The following CEACAM8 variants were observed in gnomAD, a reference collection of about 807,000 sequenced individuals.
CEACAM8 encodes cell adhesion molecule CEACAM8.
In CEACAM8, 31 loss-of-function variants were observed where a neutral mutation model predicts 33.4. That is an observed-to-expected ratio of 0.93 (90% CI 0.70 to 1.25). The LOEUF (loss-of-function observed/expected upper bound fraction) is 1.25. Ranked by LOEUF, CEACAM8 falls within the 50% of genes most tolerant of loss-of-function variation. The pLI is 0.00. For synonymous variants in CEACAM8, 138 were observed against 164.5 expected (o/e 0.84, Z 1.23); for missense variants, 388 against 434.6 (o/e 0.89, Z 0.95).
intron 4 of CEACAM8, 115 bp from the exon 5 acceptor site, chr19:42,583,452 A>G: frequency 1.4e-6 from 1 of 703,326 alleles, no homozygotes; most frequent in Non-Finnish European, 2.5e-6. Context: ...CAAGGAATAC[A>G]TTATTTTTGT....
chr19:42,590,263 G>A (rs1286068225), intron 2 of CEACAM8, among the ~76,000 whole-genome samples: 1 of 152,184 alleles, frequency 6.6e-6, no homozygotes, highest in East Asian at 1.9e-4. Context: ...CCTGGAGGTC[G>A]GTTCCGTCGT....
At chr19:42,591,772 A>G (rs538572715) in intron 2 of CEACAM8, among the ~76,000 whole-genome samples, 6 of 152,338 alleles carry the variant, frequency 3.9e-5, no homozygotes, top group Admixed American at 3.9e-4. Flanking sequence ...CTGCCTGGCC[A>G]TCCAGGATCT....
chr19:42,589,434 A>G (rs776808124), intron 3 of CEACAM8, 23 bp downstream of exon 3: 1 of 1,613,826 alleles, frequency 6.2e-7, no homozygotes, highest in South Asian at 1.1e-5. Context: ...GGCCTGGGCC[A>G]CAGAGGAACA....
intron 4 of CEACAM8, among the ~76,000 whole-genome samples, chr19:42,584,062 T>C (rs967511844): frequency 6.6e-6 from 1 of 152,204 alleles, no homozygotes; most frequent in Non-Finnish European, 1.5e-5. Flanking sequence ...TGCATCTCAG[T>C]GGGTTAAAAA....
chr19:42,591,151 T>C lies in CEACAM8; in HGVS notation c.425-1416A>G, dbSNP rs2042431688. On this transcript the variant is annotated intron_variant, in intron 2 of 5. Coordinates refer to ENST00000244336, the MANE Select transcript of CEACAM8 (RefSeq NM_001816.4). The stretch of plus-strand genomic sequence containing the variant: ...ATTTGTCAGGAGTTTAGATATTATG[T>C]TTTGACTATAGTCAAAAACAAAATT... Among the ~76,000 whole-genome samples, 3 of 152,326 alleles carry C rather than the reference T, an allele frequency of 2.0e-5. No homozygotes were observed. In the South Asian group the frequency reaches 6.2e-4, roughly 32 times the overall value.
At chr19:42,582,448 G>A (rs1166790633) in intron 5 of CEACAM8, among the ~76,000 whole-genome samples, 2 of 152,044 alleles carry the variant, frequency 1.3e-5, no homozygotes, top group Non-Finnish European at 2.9e-5. Context: ...ACATGAATTG[G>A]TCATCAGGAA....
At chr19:42,594,147 G>A (rs2042501754) in intron 1 of CEACAM8, among the ~76,000 whole-genome samples, 1 of 152,142 alleles carries the variant, frequency 6.6e-6, no homozygotes, top group African/African-American at 2.4e-5. Context: ...GCTCACATCA[G>A]GGCATCCTTG....
At chr19:42,581,946 T>TATATATATAA (rs765190705) in intron 5 of CEACAM8, among the ~76,000 whole-genome samples, 35 of 84,068 alleles carry the variant, frequency 4.2e-4, no homozygotes, top group African/African-American at 1.4e-3. Context: ...TATATATATA[T>TATATATATAA]AAAATAAGGT....
chr19:42,587,076 C>CCA (rs1417839988), intron 4 of CEACAM8, among the ~76,000 whole-genome samples: 1 of 151,802 alleles, frequency 6.6e-6, no homozygotes, highest in African/African-American at 2.4e-5. Context: ...TAAAAAAAAA[C>CCA]CACACACACA....
At position 42,593,564 on chromosome 19, in the gene CEACAM8, A is replaced by G. The variant is rs560162763; in HGVS notation, c.401T>C (p.Val134Ala). Reference protein sequence around the residue: ...VIKLNLMSEEVTGQFSVHPET... With the variant: ...VIKLNLMSEEATGQFSVHPET... ...ACGATGTACGCTGAACTGGCCAGTT[A>G]CTTCTTCACTCATAAGATTTAGCTT... The change falls in exon 2 of 6, where the codon GTA becomes GCA. Residue 134 changes from valine (V) to alanine (A), a missense_variant. Val to Ala is a moderately conservative substitution (Grantham distance 64). Coordinates refer to ENST00000244336, the MANE Select transcript of CEACAM8 (RefSeq NM_001816.4). 1 of 1,578,628 alleles carries G rather than the reference A, an allele frequency of 6.3e-7. No individual in the cohort carries two copies. Among genetic ancestry groups the G allele is most frequent in the African/African-American group, 1.3e-5 (1 of 74,322 alleles).
At chr19:42,594,177 C>A (rs1050353176) in intron 1 of CEACAM8, among the ~76,000 whole-genome samples, 6 of 152,196 alleles carry the variant, frequency 3.9e-5, no homozygotes, top group Non-Finnish European at 5.9e-5. Flanking sequence ...TTCTCTGACA[C>A]CTCCTCTAGA....
rs1261431438 is a variant in CEACAM8 at position 42,593,689 on chromosome 19, C to T, written c.276G>A (p.Gly92=). 3.1e-6 allele frequency: 5 copies of T among 1,613,980 alleles called. No homozygotes were observed. The African/African-American group carries it at 6.7e-5, about 22-fold the overall frequency. ...TTGTCTCTCGATTGCTGTATGCAGG[C>T]CCTGGGGTAATCTGTTGATTTGATA... ...YVISNQQITP[G]PAYSNRETIY... Residue 92 remains glycine, a synonymous_variant, in exon 2 of 6, where the codon GGG becomes GGA. Transcript: ENST00000244336.
intron 1 of CEACAM8, among the ~76,000 whole-genome samples, 180 bp downstream of exon 1, chr19:42,594,585 C>T (rs575147668): frequency 6.6e-6 from 1 of 152,270 alleles, no homozygotes; most frequent in South Asian, 2.1e-4. Flanking sequence ...CTGCCTCTTA[C>T]CAATTCCAGT....
intron 4 of CEACAM8, among the ~76,000 whole-genome samples, chr19:42,584,905 A>C (rs2042309699): frequency 6.6e-6 from 1 of 152,240 alleles, no homozygotes; most frequent in African/African-American, 2.4e-5. Flanking sequence ...AATGAAACCA[A>C]AAGTTGGTTC....
chr19:42,588,859 C>A lies in CEACAM8; in HGVS notation c.883G>T (p.Gly295Ter), dbSNP rs147588657. 6 of 1,613,962 alleles carry A rather than the reference C, an allele frequency of 3.7e-6. No homozygotes were observed. In the Admixed American group the frequency reaches 8.3e-5, roughly 22 times the overall value. The change falls in exon 4 of 6, where the codon GGA (glycine) becomes TGA (stop). Residue 295 changes from glycine to a stop codon, truncating the protein, a stop_gained. Transcript: ENST00000244336. LOFTEE classifies it high-confidence loss of function. The stretch of plus-strand genomic sequence containing the variant: ...TTAGTGGTGTGGCAGGCATAGGATC[C>A]GCTGTTCTTTGTAGTGATGTTGGGG... ...FIPNITTKNS[G>*]SYACHTTNSA...
chr19:42,591,432 A>G (rs57648151), intron 2 of CEACAM8, among the ~76,000 whole-genome samples: 16 of 152,308 alleles, frequency 1.1e-4, no homozygotes, highest in Admixed American at 8.5e-4. Context: ...AGGTGTGTCA[A>G]TTCCATAAAG....
rs1190507515 is a variant in CEACAM8 at position 42,593,593 on chromosome 19, G to C, written c.372C>G (p.Val124=). The C allele has an allele frequency of 6.2e-7, 1 of 1,603,888 alleles. No individual in the cohort carries two copies. The highest frequency in any genetic ancestry group is 1.1e-5 in the South Asian group (1 of 89,630). The change falls in exon 2 of 6, where the codon GTC becomes GTG. Residue 124 remains valine, a synonymous_variant. Transcript: ENST00000244336. ...RNDTGSYTLQ[V]IKLNLMSEEV... ...CTTCACTCATAAGATTTAGCTTTAT[G>C]ACTTGTAGGGTGTAGGATCCTGTGT...
In CEACAM8 at chr19:42,589,451, A is replaced by C. The variant is rs577367194; in HGVS notation, c.703+6T>G. ...CCTGGGCCACAGAGGAACAGAAGAT[A>C]CTCACAGAGGACATTCAGGGTGACT... On this transcript the variant is annotated splice_donor_region_variant and intron_variant, in intron 3 of 5. Transcript: ENST00000244336. The C allele has an allele frequency of 7.8e-5, 126 of 1,613,996 alleles. 2 individuals are homozygous for C. In the South Asian group the frequency reaches 1.3e-3, roughly 17 times the overall value.
intron 4 of CEACAM8, among the ~76,000 whole-genome samples, chr19:42,587,632 T>C (rs1284512884): frequency 1.3e-5 from 2 of 152,196 alleles, no homozygotes; most frequent in East Asian, 3.8e-4. Context: ...CAGAGAAGTT[T>C]ATTTAATATG....
Sources: gnomAD v4.1 joint callset for allele counts (sites outside exome capture counted in the v4.1 genomes callset) on GRCh38, gnomAD v4.1.1 for gene constraint, MANE v1.5 for transcripts, NCBI Gene and HGNC (gene_info 2026-07-23, HGNC 2026-07-21) for gene names.